The following TAB2 variants were observed in gnomAD, a reference collection of about 807,000 sequenced individuals.
The protein encoded by TAB2 is TGF-beta activated kinase 1 (MAP3K7) binding protein 2, also known as TGF-beta-activated kinase 1 and MAP3K7-binding protein 2.
A neutral mutation model predicts 65.0 loss-of-function variants in TAB2; 3 were observed. That is an observed-to-expected ratio of 0.05 (90% CI 0.02 to 0.12). The LOEUF is 0.12. Ranked by LOEUF, TAB2 falls within the 10% of genes least tolerant of loss-of-function variation. The pLI, the probability that TAB2 is intolerant of heterozygous loss-of-function variation, is 1.00. For synonymous variants in TAB2, 298 were observed against 285.1 expected (o/e 1.05, Z -0.46); for missense variants, 623 against 840.3 (o/e 0.74, Z 3.20).
Position 149,339,892 on chromosome 6 carries a change from A to G in TAB2, c.-90+21877A>G, listed in dbSNP as rs368215384. 5.3e-5 allele frequency among the ~76,000 whole-genome samples: 8 copies of G among 152,260 alleles called. No homozygotes were observed. The South Asian group carries it at 8.3e-4, about 16-fold the overall frequency. On this transcript the variant is annotated intron_variant, in intron 1 of 6. Transcript: ENST00000637181. ...TGCTGAGCCACCATGCCCGGCCTCAATAATTACTCTTGAAATTTGTTTAAT... is the reference window on the plus strand; with the variant it reads ...TGCTGAGCCACCATGCCCGGCCTCAGTAATTACTCTTGAAATTTGTTTAAT...
chr6:149,254,108 AGG>A (rs56302998), intron 1 of TAB2, among the ~76,000 whole-genome samples: 1 of 99,228 alleles, frequency 1.0e-5, no homozygotes, highest in Non-Finnish European at 2.2e-5. Flanking sequence ...GAAGGAAGGA[AGG>A]AAGGACAGGG....
chr6:149,317,103 C>G (rs952427250), upstream of TAB2, among the ~76,000 whole-genome samples: 11 of 151,250 alleles, frequency 7.3e-5, no homozygotes, highest in African/African-American at 2.2e-4. The surrounding 1 kb of genome is among the most constrained non-coding windows in gnomAD (Gnocchi z 4.7). Context: ...GTCCCGCCAC[C>G]CACTTCCGGA....
chr6:149,406,925 C>G (rs564159271), intron 6 of TAB2, among the ~76,000 whole-genome samples: 2 of 152,266 alleles, frequency 1.3e-5, no homozygotes, highest in East Asian at 1.9e-4. Context: ...CCACGTTGGT[C>G]AAGCTGGTCT....
chr6:149,360,721 C>G (rs1562433709), intron 1 of TAB2, among the ~76,000 whole-genome samples: 1 of 152,232 alleles, frequency 6.6e-6, no homozygotes, highest in Non-Finnish European at 1.5e-5. Flanking sequence ...ATTTCAGCGT[C>G]ACTCAAAAGT....
At chr6:149,298,494 A>G (rs1778916303) in intron 1 of TAB2, among the ~76,000 whole-genome samples, 1 of 152,054 alleles carries the variant, frequency 6.6e-6, no homozygotes, top group Admixed American at 6.6e-5. Flanking sequence ...CAGGCGTGGT[A>G]GTGCACACCT....
rs199537414 is a variant in TAB2 at position 149,310,569 on chromosome 6, T to TA, written c.-120-67449_-120-67448insA. ...AATAGGCTGGAAAATAATATATATA[T>TA]TTTTTTTAAAATTGCATTTACATGA... On this transcript the variant is annotated intron_variant, in intron 1 of 1. Coordinates refer to the TAB2 transcript ENST00000606202. 2.0e-3 allele frequency among the ~76,000 whole-genome samples: 278 copies of TA among 141,890 alleles called. 2 individuals are homozygous for TA. The highest frequency in any genetic ancestry group is 6.3e-3 in the African/African-American group (232 of 36,740). 93.1% of individuals were successfully genotyped at this position (141,890 alleles called of 152,430 possible).
intron 1 of TAB2, among the ~76,000 whole-genome samples, chr6:149,275,107 T>A (rs1208184692): frequency 3.5e-5 from 5 of 142,874 alleles, no homozygotes; most frequent in Non-Finnish European, 7.5e-5. Context: ...ATTTCCCTAA[T>A]TTTTTTTCTC....
chr6:149,392,081 T>G (rs1301672665), intron 3 of TAB2, among the ~76,000 whole-genome samples: 1 of 151,750 alleles, frequency 6.6e-6, no homozygotes, highest in Non-Finnish European at 1.5e-5. Context: ...TGGATTTAGT[T>G]TTTTTCTTTG....
intron 1 of TAB2, among the ~76,000 whole-genome samples, chr6:149,277,109 C>T (rs1379779349): frequency 6.6e-6 from 1 of 152,166 alleles, no homozygotes; most frequent in Non-Finnish European, 1.5e-5. Context: ...GATTGTCAGG[C>T]CTCCCCAGCC....
At chr6:149,230,829 CA>C (rs1481444919) in intron 1 of TAB2, among the ~76,000 whole-genome samples, 2 of 152,246 alleles carry the variant, frequency 1.3e-5, no homozygotes, top group Non-Finnish European at 2.9e-5. Context: ...CTGACATTCA[CA>C]GCAAAGGTTA....
intron 1 of TAB2, among the ~76,000 whole-genome samples, chr6:149,225,394 T>C (rs1369617619): frequency 6.6e-6 from 1 of 152,172 alleles, no homozygotes; most frequent in Non-Finnish European, 1.5e-5. Context: ...AATATGGATC[T>C]ATTAATGAAA....
chr6:149,338,108 G>A (rs1204229375), intron 1 of TAB2, among the ~76,000 whole-genome samples: 1 of 152,146 alleles, frequency 6.6e-6, no homozygotes, highest in Non-Finnish European at 1.5e-5. Flanking sequence ...AAGGTAACGT[G>A]TATATTGTAT....
intron 1 of TAB2, among the ~76,000 whole-genome samples, chr6:149,310,617 T>C (rs924679201): frequency 6.6e-6 from 1 of 152,138 alleles, no homozygotes; most frequent in East Asian, 1.9e-4. Flanking sequence ...CTGAAGTCTT[T>C]TGTATGTTGA....
At chr6:149,396,706 A>T (rs1283233348) in intron 3 of TAB2, among the ~76,000 whole-genome samples, 1 of 152,212 alleles carries the variant, frequency 6.6e-6, no homozygotes, top group African/African-American at 2.4e-5. Context: ...ATGCTGCAGG[A>T]TTGATTGCTT....
intron 1 of TAB2, among the ~76,000 whole-genome samples, chr6:149,226,220 A>G (rs1389505511): frequency 6.6e-6 from 1 of 152,166 alleles, no homozygotes; most frequent in Non-Finnish European, 1.5e-5. Context: ...ATTTGGAGGA[A>G]GGCCTGCCCA....
chr6:149,230,040 G>A (rs990684153), intron 1 of TAB2: 12 of 152,172 alleles, frequency 7.9e-5, no homozygotes, highest in African/African-American at 2.7e-4. Context: ...AAGTTCAGTT[G>A]AATGTCAAAA....
At chr6:149,358,010 A>G (rs1583120307) in intron 1 of TAB2, among the ~76,000 whole-genome samples, 3 of 152,126 alleles carry the variant, frequency 2.0e-5, no homozygotes, top group South Asian at 4.1e-4. Flanking sequence ...CTTTTCATGT[A>G]TATCTTTACA....
intron 1 of TAB2, among the ~76,000 whole-genome samples, chr6:149,259,971 G>A (rs1583052455): frequency 6.6e-6 from 1 of 152,130 alleles, no homozygotes; most frequent in East Asian, 1.9e-4. Context: ...ATACATGTGA[G>A]TAATATAAGA....
intron 1 of TAB2, among the ~76,000 whole-genome samples, chr6:149,275,904 T>G (rs1429373223): frequency 6.6e-6 from 1 of 152,228 alleles, no homozygotes; most frequent in African/African-American, 2.4e-5. Flanking sequence ...TCTGAGAAAC[T>G]GCTAGCCTAG....
Sources: allele counts gnomAD v4.1 joint callset (sites outside exome capture counted in the v4.1 genomes callset), GRCh38; gene constraint gnomAD v4.1.1; non-coding constraint Gnocchi (gnomAD v3.1); transcripts MANE v1.5; gene names NCBI Gene and HGNC (gene_info 2026-07-23, HGNC 2026-07-21).